ARPP21: variants seen among roughly 807,000 people sequenced by gnomAD.
ARPP21 encodes cAMP regulated phosphoprotein 21.
ARPP21 carries 69 observed loss-of-function variants against 113.2 expected under a neutral mutation model. The observed-to-expected ratio is 0.61, with a 90% CI of 0.50 to 0.74. The LOEUF is 0.74. ARPP21 is among the 30% of genes least tolerant of loss of function. The pLI, the probability that ARPP21 is intolerant of heterozygous loss-of-function variation, is 0.00. For synonymous variants in ARPP21, 368 were observed against 375.5 expected, an observed-to-expected ratio of 0.98 and a Z score of 0.23; for missense variants, 1,070 against 1,037.4, an observed-to-expected ratio of 1.03 and a Z score of -0.43.
intron 11 of ARPP21, among the ~76,000 whole-genome samples, chr3:35,711,232 A>G (rs2091024260): frequency 6.6e-6 from 1 of 152,182 alleles, no homozygotes; most frequent in African/African-American, 2.4e-5. Context: ...TTAAATTGGC[A>G]TCAGGTACCC....
intron 1 of ARPP21, among the ~76,000 whole-genome samples, chr3:35,661,337 C>T (rs935478796): frequency 1.3e-5 from 2 of 152,092 alleles, no homozygotes; most frequent in African/African-American, 4.8e-5. Context: ...GTTAAAACTT[C>T]ACCTCCTCCA....
intron 9 of ARPP21, among the ~76,000 whole-genome samples, chr3:35,695,009 G>A (rs2083426271): frequency 6.7e-6 from 1 of 149,406 alleles, no homozygotes; most frequent in Non-Finnish European, 1.5e-5. Context: ...ATATAAAAAT[G>A]TAAGCTTTAC....
chr3:35,774,384 G>A (rs2096292288), intron 19 of ARPP21, among the ~76,000 whole-genome samples: 1 of 152,162 alleles, frequency 6.6e-6, no homozygotes, highest in African/African-American at 2.4e-5. Flanking sequence ...ACCTCTCCAA[G>A]CTGTGGGTTG....
intron 19 of ARPP21, among the ~76,000 whole-genome samples, chr3:35,763,269 C>G (rs2095845822): frequency 6.6e-6 from 1 of 152,086 alleles, no homozygotes; most frequent in Admixed American, 6.6e-5. Context: ...ATTTCTGCCT[C>G]TCTTGGGTAT....
upstream of ARPP21, among the ~76,000 whole-genome samples, chr3:35,639,425 C>T (rs112030562): frequency 6.6e-6 from 1 of 152,006 alleles, no homozygotes; most frequent in Non-Finnish European, 1.5e-5. This position sits in a 1 kb window ranked among gnomAD's most constrained non-coding sequence, Gnocchi z 5.0. Flanking sequence ...GCCCTCAGCC[C>T]GGGCGGGGAC....
intron 19 of ARPP21, among the ~76,000 whole-genome samples, chr3:35,779,553 C>T (rs9872734): frequency 0.026 from 3,990 of 150,914 alleles, 178 homozygotes; most frequent in African/African-American, 0.089. Flanking sequence ...ATTGTGCATA[C>T]TCAAGATAAA....
intron 1 of ARPP21, among the ~76,000 whole-genome samples, chr3:35,668,023 GAAGAAGAAGGAGA>G (rs1559550661): frequency 2.7e-4 from 39 of 146,854 alleles, no homozygotes; most frequent in African/African-American, 9.1e-4. Flanking sequence ...AGAAGAAGAA[GAAGAAGAAGGAGA>G]AGAAGAAGAA....
chr3:35,648,107 T>C (rs1371926633), intron 1 of ARPP21, among the ~76,000 whole-genome samples: 1 of 152,186 alleles, frequency 6.6e-6, no homozygotes, highest in African/African-American at 2.4e-5. Flanking sequence ...TTGGTGATGC[T>C]TGACTCTTTC....
intron 13 of ARPP21, among the ~76,000 whole-genome samples, chr3:35,719,242 A>G (rs1295640199): frequency 6.6e-6 from 1 of 152,214 alleles, no homozygotes; most frequent in Non-Finnish European, 1.5e-5. Context: ...TGCAATATAA[A>G]ATAGAGGAGT....
At chr3:35,680,762 C>T (rs1450730100) in intron 2 of ARPP21, 3 of 151,732 alleles carry the variant, frequency 2.0e-5, no homozygotes, top group Admixed American at 1.3e-4. Context: ...CTCTCTCCCC[C>T]TCTTCCTTCC....
chr3:35,703,998 G>C (rs973870246), intron 9 of ARPP21, among the ~76,000 whole-genome samples: 2 of 151,724 alleles, frequency 1.3e-5, no homozygotes, highest in Non-Finnish European at 3.0e-5. Context: ...TAGTTTGCAT[G>C]AGCTTAAACT....
intron 9 of ARPP21, among the ~76,000 whole-genome samples, chr3:35,691,460 A>C (rs1348432538): frequency 6.6e-6 from 1 of 151,656 alleles, no homozygotes; most frequent in Non-Finnish European, 1.5e-5. Context: ...ACCTAGAGGC[A>C]GAAATCCTGC....
At chr3:35,736,494 G>A (rs1022336280) in intron 15 of ARPP21, among the ~76,000 whole-genome samples, 4 of 152,060 alleles carry the variant, frequency 2.6e-5, no homozygotes, top group Non-Finnish European at 5.9e-5. Context: ...ATACTATGAC[G>A]AATAGCAGTA....
intron 9 of ARPP21, among the ~76,000 whole-genome samples, chr3:35,696,779 T>C (rs2084209687): frequency 6.6e-6 from 1 of 151,596 alleles, no homozygotes; most frequent in Non-Finnish European, 1.5e-5. Flanking sequence ...AGGTTAAAAA[T>C]ATGAATAGTG....
chr3:35,753,482 T>G (rs988214315), intron 19 of ARPP21, among the ~76,000 whole-genome samples: 3 of 152,036 alleles, frequency 2.0e-5, no homozygotes, highest in African/African-American at 7.2e-5. Flanking sequence ...GTTGTTCGGA[T>G]GGCAGAAAAT....
chr3:35,781,397 A>T (rs2096525696), intron 19 of ARPP21: 1 of 152,208 alleles, frequency 6.6e-6, no homozygotes. Context: ...CCCCAAAGGG[A>T]TGATTGAAAG....
intron 19 of ARPP21, among the ~76,000 whole-genome samples, chr3:35,769,929 A>G (rs902142925): frequency 6.6e-6 from 1 of 152,200 alleles, no homozygotes; most frequent in African/African-American, 2.4e-5. Flanking sequence ...CTACCAAAAT[A>G]AGAAGTGTAC....
intron 9 of ARPP21, among the ~76,000 whole-genome samples, chr3:35,691,514 A>T (rs1245468344): frequency 6.6e-6 from 1 of 151,636 alleles, no homozygotes; most frequent in Non-Finnish European, 1.5e-5. Flanking sequence ...ACTTGGAGCA[A>T]GTCATTTAAA....
chr3:35,759,037 T>A (rs1424413792), intron 19 of ARPP21, among the ~76,000 whole-genome samples: 6 of 152,124 alleles, frequency 3.9e-5, no homozygotes, highest in Non-Finnish European at 8.8e-5. Flanking sequence ...ACATGTTTAG[T>A]GACCTCTATG....
Sources: gnomAD v4.1 joint callset for allele counts (sites outside exome capture counted in the v4.1 genomes callset) on GRCh38, gnomAD v4.1.1 for gene constraint, Gnocchi (gnomAD v3.1) non-coding constraint, MANE v1.5 for transcripts, NCBI Gene and HGNC (gene_info 2026-07-23, HGNC 2026-07-21) for gene names.